Variants in DMKN observed in about 807,000 individuals in gnomAD.
DMKN encodes the protein epidermis-specific secreted protein SK30/SK89.
DMKN carries 58 observed loss-of-function variants against 67.6 expected under a neutral mutation model. The observed-to-expected ratio is 0.86, with a 90% CI of 0.69 to 1.07. The LOEUF (loss-of-function observed/expected upper bound fraction) is 1.07. DMKN is among the 50% of genes least tolerant of loss of function. The pLI, the probability that DMKN is intolerant of heterozygous loss-of-function variation, is 0.00. For synonymous variants in DMKN, 240 were observed against 232.3 expected, an observed-to-expected ratio of 1.03 and a Z score of -0.30; for missense variants, 596 against 601.5, an observed-to-expected ratio of 0.99 and a Z score of 0.10.
intron 9 of DMKN, 132 bp downstream of exon 9, chr19:35,505,586 T>A (rs1050201410): frequency 1.8e-6 from 2 of 1,088,686 alleles, no homozygotes; most frequent in Admixed American, 2.0e-5. Flanking sequence ...ACCCCCAGTG[T>A]GTTTAGTTTT....
intron 7 of DMKN, chr19:35,507,273 G>A: frequency 1.9e-6 from 1 of 537,688 alleles, no homozygotes; most frequent in Non-Finnish European, 3.3e-6. Flanking sequence ...AAGGAAGGAA[G>A]GAATGAATGA....
chr19:35,498,458 C>A, intron 15 of DMKN: 1 of 552,764 alleles, frequency 1.8e-6, no homozygotes, highest in South Asian at 2.3e-5. Flanking sequence ...ATCCTCCCAC[C>A]CCAGCCTCCC....
intron 5 of DMKN, 68 bp downstream of exon 5, chr19:35,511,343 G>A: frequency 2.5e-6 from 4 of 1,594,400 alleles, no homozygotes; most frequent in Non-Finnish European, 3.4e-6. Flanking sequence ...GAAACTTGGA[G>A]CCCTCTCCCG....
At chr19:35,499,022 C>T (rs1446440471) in intron 13 of DMKN, 125 bp from the exon 14 acceptor site, 1 of 1,379,968 alleles carries the variant, frequency 7.2e-7, no homozygotes, top group African/African-American at 1.4e-5. Context: ...CCAAGGTTTT[C>T]CAGTCTGACT....
rs370565517 is a variant in DMKN at position 35,499,941 on chromosome 19, G to A, written c.1359+17C>T. 4.3e-6 allele frequency: 7 copies of A among 1,613,500 alleles called. No homozygotes were observed. Among genetic ancestry groups the A allele is most frequent in the Non-Finnish European group, 5.1e-6 (6 of 1,179,546 alleles). ...GCAGAGCCCCCAGCGGGAAGACAGG[G>A]TGGTTGCCGGTCTCACCTTTGCAGG... On this transcript the variant is annotated intron_variant, in intron 13 of 15. Transcript: ENST00000339686.
intron 5 of DMKN, 147 bp from the exon 6 acceptor site, chr19:35,510,399 T>A: frequency 3.9e-6 from 6 of 1,552,370 alleles, no homozygotes; most frequent in Non-Finnish European, 4.4e-6. Context: ...TTTAGCCTGT[T>A]GGTCGCTGCA....
rs2070721777 is a variant in DMKN, at chr19:35,511,374, AC to A, written c.918+36del. On this transcript the variant is annotated intron_variant, in intron 5 of 15. Transcript: ENST00000339686. ...TCCCGGCAGGGACCACTAGGGCCTCACCCCATCTCAGCCTTCCACAGAGGTG... is the reference window on the plus strand; with the variant it reads ...TCCCGGCAGGGACCACTAGGGCCTCACCCATCTCAGCCTTCCACAGAGGTG... The A allele has an allele frequency of 8.1e-6, 13 of 1,604,584 alleles. No homozygotes were observed. In the East Asian group the frequency reaches 2.9e-4, roughly 36 times the overall value.
chr19:35,513,141 T>A lies in DMKN; in HGVS notation c.335A>T (p.Glu112Val). The A allele has an allele frequency of 6.2e-7, 1 of 1,614,164 alleles. No homozygotes were observed. ...AAHALGNTGHEIGRQAEDVIR... is the reference protein window; with the variant it reads ...AAHALGNTGHVIGRQAEDVIR... Reference sequence around the variant, plus strand: ...GACATCTTCTGCCTGTCTGCCAATCTCGTGCCCAGTGTTTCCCAGAGCATG... The same window carrying A: ...GACATCTTCTGCCTGTCTGCCAATCACGTGCCCAGTGTTTCCCAGAGCATG... Residue 112 changes from glutamate (E) to valine (V), a missense_variant, in exon 1 of 16, where the codon GAG becomes GTG. By Grantham distance (121) the Glu-to-Val change is moderately radical. Transcript: ENST00000339686.
In DMKN at chr19:35,498,558, C is replaced by G. The variant is rs1282756503; in HGVS notation, c.*158G>C. On this transcript the variant is annotated intron_variant, in intron 15 of 15. Transcript: ENST00000339686. The stretch of plus-strand genomic sequence containing the variant: ...TCTCCACACCCCACCATGAGGTCCC[C>G]TCTTCCTTATCACCTTTAGAGCACG... 3.9e-6 allele frequency: 4 copies of G among 1,014,440 alleles called. No homozygotes were observed. The African/African-American group carries it at 6.5e-5, about 16-fold the overall frequency. 62.8% of individuals were successfully genotyped at this position (1,014,440 alleles called of 1,614,324 possible). A position where few individuals can be genotyped will look rare whatever the true frequency, so the allele number is the denominator to read the frequency against.
At position 35,503,204 on chromosome 19, in the gene DMKN, C is replaced by T. The variant is rs1214259272; in HGVS notation, c.1135-318G>A. The T allele has an allele frequency of 4.2e-6, 6 of 1,427,076 alleles. No homozygotes were observed. The Admixed American group carries it at 1.5e-4, about 35-fold the overall frequency. 88.4% of individuals were successfully genotyped at this position (1,427,076 alleles called of 1,614,324 possible). ...GAGTGTCCCCTTTCCACCTGCCGGG[C>T]CTCCTCCAGCCCGTTTCCCGAAGCT... On this transcript the variant is annotated intron_variant, in intron 9 of 15. Coordinates refer to ENST00000339686, the MANE Select transcript of DMKN (RefSeq NM_033317.5).
intron 14 of DMKN, 47 bp downstream of exon 14, chr19:35,498,827 G>A (rs1301892137): frequency 6.8e-6 from 11 of 1,614,166 alleles, no homozygotes; most frequent in Non-Finnish European, 9.3e-6. Context: ...TCTGGCCTCA[G>A]GCCCCTTCTC....
At chr19:35,505,208 C>G (rs115377792) in intron 9 of DMKN, among the ~76,000 whole-genome samples, 60 of 152,176 alleles carry the variant, frequency 3.9e-4, no homozygotes, top group African/African-American at 1.4e-3. Context: ...CAGGGGTTCC[C>G]CTGCAAGACG....
At chr19:35,511,974 C>G (rs2070911889) in intron 3 of DMKN, among the ~76,000 whole-genome samples, 161 bp from the exon 4 acceptor site, 1 of 151,606 alleles carries the variant, frequency 6.6e-6, no homozygotes, top group Non-Finnish European at 1.5e-5. Context: ...CTCCCCAGGC[C>G]CAGGCCCGTC....
At chr19:35,506,350 T>C (rs1382470125) in intron 7 of DMKN, 5 of 682,474 alleles carry the variant, frequency 7.3e-6, no homozygotes, top group African/African-American at 5.4e-5. Context: ...AAAAGTTCAC[T>C]TGGGAAAGCT....
At chr19:35,511,641 A>G (rs777473788) in intron 4 of DMKN, 48 bp from the exon 5 acceptor site, 1 of 1,598,590 alleles carries the variant, frequency 6.3e-7, no homozygotes. Flanking sequence ...CAGAGCACCA[A>G]GACGGGCCCC....
At position 35,502,312 on chromosome 19, in the gene DMKN, G is replaced by T. The variant is rs187877427; in HGVS notation, c.1192-129C>A. 1.6e-5 allele frequency: 13 copies of T among 838,468 alleles called. No homozygotes were observed. The East Asian group carries it at 3.3e-4, about 21-fold the overall frequency. The allele number at this position is 838,468 out of a possible 1,614,324, so 51.9% of individuals were successfully genotyped here. A position where few individuals can be genotyped will look rare whatever the true frequency, so the allele number is the denominator to read the frequency against. ...TGGGTGTGGCTTGGGGTTGGAGGAA[G>T]GTAAGCACGTGGGAGATTGAGGGTG... On this transcript the variant is annotated intron_variant, in intron 10 of 15. Coordinates refer to ENST00000339686, the MANE Select transcript of DMKN (RefSeq NM_033317.5).
rs2068434319 is a variant in DMKN at position 35,501,837 on chromosome 19, C to T, written c.1239+299G>A. ...GCGGTACCCACCCAGCCGTGGCTCC[C>T]CTGGGTCCAGGCCAGGCCCAGCAGG... On this transcript the variant is annotated intron_variant, in intron 11 of 15. Coordinates refer to ENST00000339686, the MANE Select transcript of DMKN (RefSeq NM_033317.5). The T allele has an allele frequency of 2.5e-6, 4 of 1,576,534 alleles. No individual in the cohort carries two copies. The South Asian group carries it at 4.7e-5, about 18-fold the overall frequency.
intron 13 of DMKN, chr19:35,499,153 T>C: frequency 1.8e-6 from 1 of 554,716 alleles, no homozygotes; most frequent in Non-Finnish European, 3.2e-6. Flanking sequence ...CAAAAGAGCA[T>C]AGGCCTCGCT....
intron 7 of DMKN, chr19:35,508,008 G>T: frequency 1.6e-6 from 1 of 632,506 alleles, no homozygotes; most frequent in Non-Finnish European, 2.6e-6. Flanking sequence ...TAAGGGAGAG[G>T]TGGGCTCCTC....
Sources: allele counts gnomAD v4.1 joint callset (sites outside exome capture counted in the v4.1 genomes callset), GRCh38; gene constraint gnomAD v4.1.1; transcripts MANE v1.5; gene names NCBI Gene and HGNC (gene_info 2026-07-23, HGNC 2026-07-21).